TATDN2: variants seen among roughly 807,000 people sequenced by gnomAD.
TATDN2 encodes TatD DNase domain containing 2.
A neutral mutation model predicts 60.3 loss-of-function variants in TATDN2; 44 were observed. The observed-to-expected ratio is 0.73, with a 90% CI of 0.57 to 0.94. TATDN2 has a LOEUF of 0.94. TATDN2 is among the 40% of genes least tolerant of loss of function. TATDN2 has a pLI of 0.00. For missense variants in TATDN2, 997 were observed against 948.0 expected, an observed-to-expected ratio of 1.05 and a Z score of -0.68; for synonymous variants, 399 against 355.8, an observed-to-expected ratio of 1.12 and a Z score of -1.37.
chr3:10,256,404 A>G (rs982169360), intron 2 of TATDN2, among the ~76,000 whole-genome samples: 2 of 151,642 alleles, frequency 1.3e-5, no homozygotes, highest in Non-Finnish European at 2.9e-5. Flanking sequence ...TTGAACTCCT[A>G]GGCTCAAATG....
chr3:10,270,677 C>G lies in TATDN2; in HGVS notation c.1495C>G (p.His499Asp). The G allele has an allele frequency of 6.2e-7, 1 of 1,614,242 alleles. No individual in the cohort carries two copies. ...CCTAGAGGAGGGCTTCATTGACACT[C>G]ATTGTCACCTGGACATGCTCTATTC... ...PSLEEGFIDT[H>D]CHLDMLYSKL... The change falls in exon 4 of 8, where the codon CAT becomes GAT. Residue 499 changes from histidine (H) to aspartate (D), a missense_variant. His to Asp is a moderately conservative substitution (Grantham distance 81). Transcript: ENST00000448281.
rs773705873 is a variant in TATDN2, at chr3:10,249,375, AAGG to A, written c.180_182del (p.Glu60del). 1.9e-6 allele frequency: 3 copies of A among 1,613,272 alleles called. No homozygotes were observed. The Admixed American group carries it at 5.0e-5, about 27-fold the overall frequency. ...CAGCCCCAAGCGCCTGAAAGCCCAG[AAGG>A]AGGACGATGTGGCTTGCTCGCGGAG... is the stretch of plus-strand genomic sequence containing the variant. On this transcript the variant is annotated inframe_deletion, in exon 2 of 8. Transcript: ENST00000448281.
rs189265776 is a variant in TATDN2, at chr3:10,255,826, C to G, written c.415-4311C>G. On this transcript the variant is annotated intron_variant, in intron 2 of 7. Coordinates refer to ENST00000448281, the MANE Select transcript of TATDN2 (RefSeq NM_014760.4). Reference sequence around the variant, plus strand: ...GTGTGGTAGCACATGCCTGTAATCCCAACTACTCAGGAGGCTGAGGCAGGA... The same window carrying G: ...GTGTGGTAGCACATGCCTGTAATCCGAACTACTCAGGAGGCTGAGGCAGGA... 4.8e-3 allele frequency among the ~76,000 whole-genome samples: 730 copies of G among 152,276 alleles called. 3 individuals are homozygous for G. Among genetic ancestry groups the G allele is most frequent in the African/African-American group, 0.017 (694 of 41,546 alleles).
chr3:10,278,173 C>A lies in TATDN2; in HGVS notation c.1962-106C>A. 1 of 1,334,186 alleles carries A rather than the reference C, an allele frequency of 7.5e-7. No homozygotes were observed. Among genetic ancestry groups the A allele is most frequent in the Non-Finnish European group, 1.0e-6 (1 of 964,030 alleles). The allele number at this position is 1,334,186 out of a possible 1,614,324, so 82.6% of individuals were successfully genotyped here. ...GTGGAGTCCTTCCCTAGGATGCAGT[C>A]TTTCCATTTCTGGGAATCATTGAAA... On this transcript the variant is annotated intron_variant, in intron 5 of 7. Transcript: ENST00000448281. The surrounding 1 kb of genome is among the most constrained non-coding windows in gnomAD (Gnocchi z 4.7).
At chr3:10,262,192 T>C (rs902474214) in intron 3 of TATDN2, among the ~76,000 whole-genome samples, 7 of 152,194 alleles carry the variant, frequency 4.6e-5, no homozygotes. Flanking sequence ...AGCCCTCTGT[T>C]GTCCTGCTCT....
At position 10,278,466 on chromosome 3, in the gene TATDN2, A is replaced by G; in HGVS notation, c.2145+4A>G. The G allele has an allele frequency of 6.4e-7, 1 of 1,571,892 alleles. No homozygotes were observed. The highest frequency in any genetic ancestry group is 1.1e-5 in the South Asian group (1 of 90,492). ...TCCCTATTTCCTCCCTCGCCAGGTA[A>G]GGGGGTCTTCAGGCTGAGTGGAGGC... is the stretch of plus-strand genomic sequence containing the variant. On this transcript the variant is annotated splice_donor_region_variant and intron_variant, in intron 6 of 7. Transcript: ENST00000448281. This position sits in a 1 kb window ranked among gnomAD's most constrained non-coding sequence, Gnocchi z 4.7.
In TATDN2 at chr3:10,249,044, G is replaced by C; in HGVS notation, c.-30G>C. On this transcript the variant is annotated 5_prime_UTR_variant, in exon 1 of 8. The change abolishes an upstream ATG in the 5' untranslated region. Coordinates refer to ENST00000448281, the MANE Select transcript of TATDN2 (RefSeq NM_014760.4). ...TCTCTGAAACCTTGAGAACTGTGAT[G>C]GGCAGTGGAAAGAAGAGGGAAAGGT... is the stretch of plus-strand genomic sequence containing the variant. The C allele has an allele frequency of 1.2e-6, 1 of 803,584 alleles. No homozygotes were observed. The highest frequency in any genetic ancestry group is 3.2e-5 in the East Asian group (1 of 31,212). The allele number at this position is 803,584 out of a possible 1,614,324, so 49.8% of individuals were successfully genotyped here.
At chr3:10,259,292 G>C (rs904566236) in intron 2 of TATDN2, among the ~76,000 whole-genome samples, 3 of 152,206 alleles carry the variant, frequency 2.0e-5, no homozygotes, top group Admixed American at 1.3e-4. Flanking sequence ...CACTGTACCT[G>C]GTCTGTATTT....
At chr3:10,249,865 T>G (rs1470859643) in intron 2 of TATDN2, among the ~76,000 whole-genome samples, 1 of 152,206 alleles carries the variant, frequency 6.6e-6, no homozygotes, top group Admixed American at 6.5e-5. Context: ...TTTAAAATAC[T>G]TGGGCCTGCC....
chr3:10,248,784 C>T lies in TATDN2; in HGVS notation c.-290C>T, dbSNP rs552622295. 9 of 155,302 alleles carry T rather than the reference C, an allele frequency of 5.8e-5. No individual in the cohort carries two copies. The South Asian group carries it at 1.7e-3, about 28-fold the overall frequency. The allele number at this position is 155,302 out of a possible 1,614,324, so 9.6% of individuals were successfully genotyped here. A position where few individuals can be genotyped will look rare whatever the true frequency, so the allele number is the denominator to read the frequency against. On this transcript the variant is annotated 5_prime_UTR_variant, in exon 1 of 8. Transcript: ENST00000448281. Reference sequence around the variant, plus strand: ...GCCCCGGGGCCGCGGATCCGGCAGCCATGTGTGGATCTTGAAGCGCCATGT... The same window carrying T: ...GCCCCGGGGCCGCGGATCCGGCAGCTATGTGTGGATCTTGAAGCGCCATGT...
rs1383477056 is a variant in TATDN2, at chr3:10,270,775, G to C, written c.1593G>C (p.Gln531His). The C allele has an allele frequency of 1.2e-6, 2 of 1,614,198 alleles. No homozygotes were observed. Among genetic ancestry groups the C allele is most frequent in the South Asian group, 2.2e-5 (2 of 91,084 alleles). Residue 531 changes from glutamine to histidine, a missense_variant, in exon 4 of 8, where the codon CAG becomes CAC. Transcript: ENST00000448281. ...IYSSSFPKEF[Q>H]GCISDFCDPR... ...GCAGCTCCTTCCCTAAGGAATTTCA[G>C]GGCTGCATCTCTGACTTCTGTGATC...
chr3:10,272,398 T>C (rs1218985036), intron 4 of TATDN2, among the ~76,000 whole-genome samples: 1 of 150,056 alleles, frequency 6.7e-6, no homozygotes, highest in African/African-American at 2.4e-5. Flanking sequence ...CTCAGCCTCC[T>C]GAGTAGCTGG....
At chr3:10,261,370 T>C (rs1265407331) in intron 3 of TATDN2, among the ~76,000 whole-genome samples, 5 of 151,176 alleles carry the variant, frequency 3.3e-5, no homozygotes, top group Admixed American at 6.6e-5. Flanking sequence ...TTTTTCTTTT[T>C]TTTTTTTTTT....
chr3:10,262,381 A>G (rs1474605161), intron 3 of TATDN2, among the ~76,000 whole-genome samples: 1 of 152,200 alleles, frequency 6.6e-6, no homozygotes, highest in Non-Finnish European at 1.5e-5. Context: ...GAAAGGGTAC[A>G]TGGAGAAACT....
At chr3:10,275,145 C>A (rs1452183610) in intron 4 of TATDN2, among the ~76,000 whole-genome samples, 2 of 151,980 alleles carry the variant, frequency 1.3e-5, no homozygotes, top group Non-Finnish European at 2.9e-5. Flanking sequence ...GCCACCACAC[C>A]CAGCTAATTT....
At chr3:10,255,192 T>G (rs971816448) in intron 2 of TATDN2, among the ~76,000 whole-genome samples, 10 of 149,814 alleles carry the variant, frequency 6.7e-5, no homozygotes, top group African/African-American at 2.5e-4. Context: ...CTGTATTTTT[T>G]GTAGAGAGGG....
Position 10,270,149 on chromosome 3 carries a change from G to C in TATDN2, c.967G>C (p.Val323Leu). 6.2e-7 allele frequency: 1 copy of C among 1,612,892 alleles called. No homozygotes were observed. Among genetic ancestry groups the C allele is most frequent in the Non-Finnish European group, 8.5e-7 (1 of 1,179,424 alleles). Residue 323 changes from valine (V) to leucine (L), a missense_variant, in exon 4 of 8, where the codon GTG (valine) becomes CTG (leucine). Coordinates refer to ENST00000448281, the MANE Select transcript of TATDN2 (RefSeq NM_014760.4). ...EIQKHKDREV[V>L]MEHPSSGSDW... Reference sequence around the variant, plus strand: ...TCTGCAGCATAAAGATAGGGAGGTGGTGATGGAGCACCCCTCTTCTGGAAG... The same window carrying C: ...TCTGCAGCATAAAGATAGGGAGGTGCTGATGGAGCACCCCTCTTCTGGAAG...
intron 3 of TATDN2, among the ~76,000 whole-genome samples, chr3:10,265,297 G>C (rs1698461644): frequency 6.7e-6 from 1 of 149,962 alleles, no homozygotes; most frequent in African/African-American, 2.4e-5. Flanking sequence ...GGCTGGTCTT[G>C]AACTCCTGAC....
chr3:10,249,668 A>G (rs1576001130), intron 2 of TATDN2, 54 bp downstream of exon 2: 6 of 1,474,840 alleles, frequency 4.1e-6, no homozygotes, highest in Non-Finnish European at 5.4e-6. Context: ...ATGGCTTGAG[A>G]GGTTGGGGAT....
Sources: gnomAD v4.1 joint callset for allele counts (sites outside exome capture counted in the v4.1 genomes callset) on GRCh38, gnomAD v4.1.1 for gene constraint, Gnocchi (gnomAD v3.1) non-coding constraint, MANE v1.5 for transcripts, NCBI Gene and HGNC (gene_info 2026-07-23, HGNC 2026-07-21) for gene names.